The following MED15 variants were observed in gnomAD, a reference collection of about 807,000 sequenced individuals.
MED15 encodes mediator of RNA polymerase II transcription subunit 15.
Under a neutral mutation model 118.7 loss-of-function variants are expected in MED15, and 41 were observed. That is an observed-to-expected ratio of 0.35 (90% CI 0.27 to 0.45). The LOEUF is 0.45. Among genes scored for constraint, MED15 ranks in the 20% least tolerant of loss-of-function variants. The probability of loss-of-function intolerance (pLI) is 1.00; values close to 1 mark genes in which losing one functional copy is unlikely to be tolerated. For missense variants in MED15, 740 were observed against 1,025.5 expected (o/e 0.72, Z 3.80); for synonymous variants, 436 against 413.9 (o/e 1.05, Z -0.65).
At chr22:20,534,719 A>G (rs917572264) in intron 1 of MED15, among the ~76,000 whole-genome samples, 2 of 152,138 alleles carry the variant, frequency 1.3e-5, no homozygotes, top group South Asian at 2.1e-4. Flanking sequence ...ACCCTGCCCC[A>G]TGCTAACCTG....
rs762120451 is a variant in MED15 at position 20,507,758 on chromosome 22, T to C, written c.68+12T>C. 9 of 1,613,922 alleles carry C rather than the reference T, an allele frequency of 5.6e-6. No individual in the cohort carries two copies. Among genetic ancestry groups the C allele is most frequent in the Non-Finnish European group, 7.6e-6 (9 of 1,179,912 alleles). On this transcript the variant is annotated intron_variant, in intron 1 of 17. Coordinates refer to ENST00000263205, the MANE Select transcript of MED15 (RefSeq NM_001003891.3). ...CTGGTCAGTCAAATGTGAGTAGTGG[T>C]CGGGGCAGGGGGCTGGATTGTGGGA...
intron 8 of MED15, among the ~76,000 whole-genome samples, chr22:20,573,527 G>GT (rs951070004): frequency 6.6e-6 from 1 of 152,102 alleles, no homozygotes; most frequent in Non-Finnish European, 1.5e-5. Flanking sequence ...TGGGGGAGAG[G>GT]TTTTTTGGAT....
chr22:20,537,389 G>A (rs1013029562), intron 2 of MED15, among the ~76,000 whole-genome samples, 185 bp downstream of exon 2: 2 of 152,164 alleles, frequency 1.3e-5, no homozygotes, highest in Admixed American at 6.5e-5. Context: ...CATGGTACAG[G>A]GAGGGCACTT....
chr22:20,564,562 G>A lies in MED15; in HGVS notation c.564G>A (p.Gln188=). The part of the protein sequence containing the change: ...QQQQQQQQQQ[Q]FQAQQSAMQQ... ...AGCAGCAGCAGCAGCAACAGCAGCA[G>A]TTCCAGGCTCAGCAGAGTGCCATGC... is the stretch of plus-strand genomic sequence containing the variant. The change falls in exon 6 of 18, where the codon CAG becomes CAA. Residue 188 remains glutamine (Q), a synonymous_variant. Transcript: ENST00000263205. The A allele has an allele frequency of 6.2e-7, 1 of 1,607,636 alleles. No individual in the cohort carries two copies. The highest frequency in any genetic ancestry group is 8.5e-7 in the Non-Finnish European group (1 of 1,175,280).
chr22:20,578,574 G>GT (rs2056889486), intron 9 of MED15, among the ~76,000 whole-genome samples: 1 of 152,214 alleles, frequency 6.6e-6, no homozygotes. Flanking sequence ...TTTTGTGTCA[G>GT]TATCTTTCAA....
chr22:20,585,048 C>T (rs765780791), intron 15 of MED15, 33 bp downstream of exon 15: 13 of 1,613,646 alleles, frequency 8.1e-6, no homozygotes, highest in South Asian at 1.1e-5. Flanking sequence ...TTGCGGAGGG[C>T]GGCCAGCCCT....
chr22:20,566,965 C>G, intron 7 of MED15, 148 bp downstream of exon 7: 2 of 1,408,550 alleles, frequency 1.4e-6, no homozygotes, highest in Non-Finnish European at 1.9e-6. Context: ...CCTGCCGACT[C>G]TAGCATGGCT....
At position 20,564,631 on chromosome 22, in the gene MED15, G is replaced by T. The variant is rs2056370110; in HGVS notation, c.633G>T (p.Gln211His). ...QAVVQQQQQL[Q>H]QQQQQQQHLI... ...TAGTGCAGCAGCAGCAGCAGCTCCA[G>T]CAGCAGCAGCAGCAGCAGCAGCATC... The change falls in exon 6 of 18, where the codon CAG (glutamine) becomes CAT (histidine). Residue 211 changes from glutamine (Q) to histidine (H), a missense_variant. By Grantham distance (24) the Gln-to-His change is conservative (BLOSUM62 0). Transcript: ENST00000263205. 2 of 1,434,988 alleles carry T rather than the reference G, an allele frequency of 1.4e-6. No homozygotes were observed. Among genetic ancestry groups the T allele is most frequent in the East Asian group, 4.8e-5 (2 of 41,330 alleles). The allele number at this position is 1,434,988 out of a possible 1,614,324, so 88.9% of individuals were successfully genotyped here. A position where few individuals can be genotyped will look rare whatever the true frequency, so the allele number is the denominator to read the frequency against.
rs761336657 is a variant in MED15, at chr22:20,553,168, G to A, written c.232G>A (p.Val78Ile). ...AGATAACAAGAAATCTCAAGCTTCC[G>A]TCAGTGGTAAGAGTTTTCCCTTTTG... Reference protein sequence around the residue: ...DIHNKKSQASVSDPMNALQSL... With the variant: ...DIHNKKSQASISDPMNALQSL... Residue 78 changes from valine to isoleucine, a missense_variant, in exon 4 of 18, where the codon GTC (valine) becomes ATC (isoleucine). Coordinates refer to ENST00000263205, the MANE Select transcript of MED15 (RefSeq NM_001003891.3). 1.7e-5 allele frequency: 27 copies of A among 1,611,636 alleles called. No homozygotes were observed. The highest frequency in any genetic ancestry group is 6.7e-5 in the Admixed American group (4 of 59,634).
intron 5 of MED15, 104 bp downstream of exon 5, chr22:20,555,252 A>T (rs372504296): frequency 1.7e-5 from 21 of 1,221,470 alleles, no homozygotes; most frequent in Non-Finnish European, 2.1e-5. Flanking sequence ...GAGAAGCTCC[A>T]AATCGCTCTG....
At chr22:20,565,448 T>C (rs1200720778) in intron 6 of MED15, among the ~76,000 whole-genome samples, 3 of 152,202 alleles carry the variant, frequency 2.0e-5, no homozygotes, top group Non-Finnish European at 2.9e-5. Context: ...CATGAGGTGA[T>C]GGTGATGTCA....
At chr22:20,530,955 C>T (rs1045408807) in intron 1 of MED15, among the ~76,000 whole-genome samples, 4 of 152,138 alleles carry the variant, frequency 2.6e-5, no homozygotes, top group Admixed American at 1.3e-4. Context: ...TGTTGCCTGA[C>T]TTATTTCTTT....
At chr22:20,516,558 G>T (rs753446557) in intron 1 of MED15, among the ~76,000 whole-genome samples, 2 of 151,792 alleles carry the variant, frequency 1.3e-5, no homozygotes, top group Non-Finnish European at 2.9e-5. Flanking sequence ...TACCACAGTT[G>T]CAGGCCCTGA....
intron 2 of MED15, among the ~76,000 whole-genome samples, chr22:20,538,078 TTG>T (rs1358431688): frequency 3.3e-5 from 5 of 152,186 alleles, no homozygotes; most frequent in African/African-American, 1.2e-4. Flanking sequence ...ATTCACAGAG[TTG>T]TGTGGCCATC....
At chr22:20,571,089 A>G (rs1164269625) in intron 8 of MED15, among the ~76,000 whole-genome samples, 2 of 152,050 alleles carry the variant, frequency 1.3e-5, no homozygotes, top group African/African-American at 4.8e-5. Context: ...ATTTCTTGGT[A>G]TTTGGAAAGT....
intron 1 of MED15, among the ~76,000 whole-genome samples, chr22:20,514,481 C>G (rs1160416674): frequency 6.6e-6 from 1 of 152,184 alleles, no homozygotes; most frequent in African/African-American, 2.4e-5. Flanking sequence ...CCTCCCACCC[C>G]TCTGTACAGC....
intron 8 of MED15, among the ~76,000 whole-genome samples, chr22:20,569,540 A>G (rs767041909): frequency 5.9e-5 from 9 of 152,180 alleles, no homozygotes; most frequent in Non-Finnish European, 5.9e-5. Context: ...CTGGGTGCAC[A>G]GTGCCTCGTG....
intron 5 of MED15, among the ~76,000 whole-genome samples, chr22:20,562,532 G>A (rs1216901843): frequency 2.0e-5 from 3 of 151,850 alleles, no homozygotes; most frequent in Admixed American, 6.6e-5. Flanking sequence ...TTACAGGCAC[G>A]TGCCACCATG....
intron 1 of MED15, among the ~76,000 whole-genome samples, chr22:20,532,623 G>T (rs907686631): frequency 2.0e-5 from 3 of 152,202 alleles, no homozygotes; most frequent in African/African-American, 4.8e-5. Flanking sequence ...AACAGTCCTT[G>T]TGTTCAGAGG....
Sources: gnomAD v4.1 joint callset for allele counts (sites outside exome capture counted in the v4.1 genomes callset) on GRCh38, gnomAD v4.1.1 for gene constraint, MANE v1.5 for transcripts, NCBI Gene and HGNC (gene_info 2026-07-23, HGNC 2026-07-21) for gene names.